The following NRXN1 variants were observed in gnomAD, a reference collection of about 807,000 sequenced individuals.
NRXN1 encodes neurexin-1.
Under a neutral mutation model 150.9 loss-of-function variants are expected in NRXN1, and 39 were observed. The ratio of observed to expected loss-of-function variants is 0.26; its 90% CI spans 0.20 to 0.34. The LOEUF (loss-of-function observed/expected upper bound fraction) is 0.34, where lower values mean the gene tolerates loss of function less well. Ranked by LOEUF, NRXN1 falls within the 10% of genes least tolerant of loss-of-function variation. NRXN1 has a pLI of 1.00. For synonymous variants in NRXN1, 924 were observed against 757.0 expected, an observed-to-expected ratio of 1.22 and a Z score of -3.62; for missense variants, 1,815 against 1,949.9, an observed-to-expected ratio of 0.93 and a Z score of 1.30.
chr2:51,027,637 C>T lies in NRXN1; in HGVS notation c.637G>A (p.Gly213Arg), dbSNP rs199561088. 72 of 1,597,094 alleles carry T rather than the reference C, an allele frequency of 4.5e-5. No individual in the cohort carries two copies. Among genetic ancestry groups the T allele is most frequent in the Non-Finnish European group, 5.7e-5 (67 of 1,172,148 alleles). ...KLDDEPPNSG[G>R]GSPCEAGEEG... ...TCGCCCGCCTCGCACGGGCTTCCCC[C>T]GCCGCTGTTGGGCGGCTCATCGTCC... Residue 213 changes from glycine (G) to arginine (R), a missense_variant, in exon 2 of 23, where the codon GGG (glycine) becomes AGG (arginine). Transcript: ENST00000401669.
At chr2:50,707,362 G>C (rs777173238) in intron 5 of NRXN1, among the ~76,000 whole-genome samples, 2 of 152,164 alleles carry the variant, frequency 1.3e-5, no homozygotes, top group South Asian at 2.1e-4. Flanking sequence ...TTCCAAGCTA[G>C]TTAAAAATAA....
At chr2:50,169,789 G>A (rs1469033539) in intron 18 of NRXN1, among the ~76,000 whole-genome samples, 1 of 151,088 alleles carries the variant, frequency 6.6e-6, no homozygotes, top group Non-Finnish European at 1.5e-5. Flanking sequence ...TCCTGGCATA[G>A]GGGATAGCAT....
chr2:50,104,557 A>G (rs1701389725), intron 18 of NRXN1, among the ~76,000 whole-genome samples: 1 of 152,060 alleles, frequency 6.6e-6, no homozygotes, highest in African/African-American at 2.4e-5. Flanking sequence ...ATGCGTGATG[A>G]TGATAATGAT....
At chr2:50,216,515 T>C (rs1014413767) in intron 18 of NRXN1, among the ~76,000 whole-genome samples, 2 of 152,056 alleles carry the variant, frequency 1.3e-5, no homozygotes, top group African/African-American at 4.8e-5. Flanking sequence ...ACTTTTAATT[T>C]TCATTACACC....
chr2:49,990,773 G>T (rs979756396), intron 21 of NRXN1, among the ~76,000 whole-genome samples: 3 of 152,050 alleles, frequency 2.0e-5, no homozygotes. Flanking sequence ...ATTCACAGAG[G>T]GCACTAGATA....
intron 21 of NRXN1, among the ~76,000 whole-genome samples, chr2:49,974,617 C>G (rs571264233): frequency 2.0e-5 from 3 of 152,082 alleles, no homozygotes; most frequent in South Asian, 2.1e-4. Flanking sequence ...AGAATCTCCT[C>G]GAAGCCTTGT....
At chr2:50,102,452 C>T (rs1249650347) in intron 18 of NRXN1, among the ~76,000 whole-genome samples, 1 of 151,976 alleles carries the variant, frequency 6.6e-6, no homozygotes, top group Non-Finnish European at 1.5e-5. Context: ...TCAGTATTCA[C>T]CAATATTTAT....
chr2:50,347,115 C>G lies in NRXN1; in HGVS notation c.3365-110145G>C. 2 of 1,387,604 alleles carry G rather than the reference C, an allele frequency of 1.4e-6. No homozygotes were observed. The highest frequency in any genetic ancestry group is 2.4e-5 in the South Asian group (2 of 81,876). 86.0% of individuals were successfully genotyped at this position (1,387,604 alleles called of 1,614,324 possible). A position where few individuals can be genotyped will look rare whatever the true frequency, so the allele number is the denominator to read the frequency against. On this transcript the variant is annotated intron_variant, in intron 17 of 22. Transcript: ENST00000401669. This position sits in a 1 kb window ranked among gnomAD's most constrained non-coding sequence, Gnocchi z 4.9. Reference sequence around the variant, plus strand: ...CTCCTTCGGACAGTCTTCTCGGGGTCCTGGAGTCCGCCGTGCCTAGCACCC... The same window carrying G: ...CTCCTTCGGACAGTCTTCTCGGGGTGCTGGAGTCCGCCGTGCCTAGCACCC...
chr2:50,180,747 A>G (rs373476122), intron 18 of NRXN1, among the ~76,000 whole-genome samples: 81 of 152,262 alleles, frequency 5.3e-4, no homozygotes, highest in African/African-American at 1.9e-3. Flanking sequence ...TGAGGAAAAT[A>G]ATTCTATTCT....
At chr2:50,612,735 T>G (rs988212702) in intron 8 of NRXN1, among the ~76,000 whole-genome samples, 12 of 152,188 alleles carry the variant, frequency 7.9e-5, no homozygotes, top group Admixed American at 7.9e-4. Flanking sequence ...CTGATGCAGG[T>G]AAAGTGCTCT....
chr2:50,066,346 G>T (rs918118934), intron 19 of NRXN1, among the ~76,000 whole-genome samples: 1 of 152,096 alleles, frequency 6.6e-6, no homozygotes, highest in Admixed American at 6.6e-5. Context: ...TTAAGTAAAA[G>T]TTCAAGATAA....
intron 5 of NRXN1, among the ~76,000 whole-genome samples, chr2:50,793,607 C>A (rs1706376784): frequency 6.6e-6 from 1 of 151,988 alleles, no homozygotes; most frequent in Non-Finnish European, 1.5e-5. Flanking sequence ...TGTGTTCTTT[C>A]AAAGATATAC....
intron 18 of NRXN1, among the ~76,000 whole-genome samples, chr2:50,232,819 A>G (rs1267068458): frequency 6.6e-6 from 1 of 152,146 alleles, no homozygotes. Context: ...TACAATAAAT[A>G]AGGCAATTAT....
chr2:50,333,414 T>C (rs1558544392), intron 17 of NRXN1, among the ~76,000 whole-genome samples: 1 of 152,170 alleles, frequency 6.6e-6, no homozygotes, highest in Non-Finnish European at 1.5e-5. Flanking sequence ...TTGAAATCTC[T>C]ACAAATGTGA....
intron 5 of NRXN1, among the ~76,000 whole-genome samples, chr2:50,896,933 G>A (rs1682058631): frequency 6.6e-6 from 1 of 152,166 alleles, no homozygotes; most frequent in South Asian, 2.1e-4. Context: ...GCATCTGAAA[G>A]AGGCACTACA....
At chr2:50,594,608 G>C (rs551024286) in intron 8 of NRXN1, among the ~76,000 whole-genome samples, 3 of 152,168 alleles carry the variant, frequency 2.0e-5, no homozygotes, top group Non-Finnish European at 2.9e-5. Context: ...AAGCTGAAGG[G>C]AAGGACTAAG....
chr2:50,388,274 T>A (rs2081456966), intron 17 of NRXN1, among the ~76,000 whole-genome samples: 2 of 152,300 alleles, frequency 1.3e-5, no homozygotes, highest in East Asian at 1.9e-4. Context: ...GGCACAGGGC[T>A]GATATCAACC....
chr2:50,146,651 T>C (rs17039994), intron 18 of NRXN1, among the ~76,000 whole-genome samples: 3,611 of 151,798 alleles, frequency 0.024, 144 homozygotes, highest in African/African-American at 0.082. Flanking sequence ...TTACTTTTAA[T>C]GTATATTGCT....
intron 18 of NRXN1, among the ~76,000 whole-genome samples, chr2:50,170,424 T>G (rs1029233322): frequency 1.3e-5 from 2 of 152,074 alleles, no homozygotes; most frequent in African/African-American, 4.8e-5. Context: ...GCATCCTGAG[T>G]AGCTGGGACT....
Sources: gnomAD v4.1 joint callset for allele counts (sites outside exome capture counted in the v4.1 genomes callset) on GRCh38, gnomAD v4.1.1 for gene constraint, Gnocchi (gnomAD v3.1) non-coding constraint, MANE v1.5 for transcripts, NCBI Gene and HGNC (gene_info 2026-07-23, HGNC 2026-07-21) for gene names.